DPP6: variants seen among roughly 807,000 people sequenced by gnomAD.
DPP6 encodes A-type potassium channel modulatory protein DPP6.
In DPP6, 69 loss-of-function variants were observed where a neutral mutation model predicts 122.6. The ratio of observed to expected loss-of-function variants is 0.56; its 90% CI spans 0.46 to 0.69. The LOEUF is 0.69. Ranked by LOEUF, DPP6 falls within the 30% of genes least tolerant of loss-of-function variation. DPP6 has a pLI of 0.00. For synonymous variants in DPP6, 418 were observed against 433.1 expected, an observed-to-expected ratio of 0.97 and a Z score of 0.43; for missense variants, 928 against 1,116.9, an observed-to-expected ratio of 0.83 and a Z score of 2.41.
chr7:154,199,353 G>A (rs1031528016), intron 1 of DPP6, among the ~76,000 whole-genome samples: 4 of 152,208 alleles, frequency 2.6e-5, no homozygotes, highest in Admixed American at 6.5e-5. Context: ...TGTTTCATCC[G>A]GGTTCTTTTC....
In DPP6 at chr7:154,060,317, C is replaced by A. The variant is rs1207696216; in HGVS notation, c.243+7254C>A. 4.4e-5 allele frequency among the ~76,000 whole-genome samples: 6 copies of A among 137,680 alleles called. 1 individual carries two copies. The highest frequency in any genetic ancestry group is 1.1e-4 in the African/African-American group (4 of 36,870). 90.3% of individuals were successfully genotyped at this position (137,680 alleles called of 152,430 possible). On this transcript the variant is annotated intron_variant, in intron 1 of 25. Transcript: ENST00000377770. ...CTCTTCCCCCCCTGGCTCTTAGGAC[C>A]CCCATCGCAGGAGGGGGAGGCACCC...
chr7:154,507,089 T>C (rs1346135279), intron 3 of DPP6, among the ~76,000 whole-genome samples: 1 of 152,172 alleles, frequency 6.6e-6, no homozygotes, highest in Non-Finnish European at 1.5e-5. Flanking sequence ...AGGCATTTTT[T>C]CTTTGATGGC....
the DPP6 span, among the ~76,000 whole-genome samples, chr7:153,831,578 T>C: frequency 6.6e-6 from 1 of 152,256 alleles, no homozygotes; most frequent in South Asian, 2.1e-4. Flanking sequence ...CCCTTTTATT[T>C]GGCAAGTAAA....
intron 1 of DPP6, among the ~76,000 whole-genome samples, chr7:154,009,465 A>C (rs931671407): frequency 6.8e-6 from 1 of 146,570 alleles, no homozygotes; most frequent in Non-Finnish European, 1.5e-5. Context: ...TCCAGACCCC[A>C]TGTGAGCCAT....
intron 1 of DPP6, among the ~76,000 whole-genome samples, chr7:154,211,212 A>C (rs1310132264): frequency 6.6e-6 from 1 of 152,154 alleles, no homozygotes; most frequent in Non-Finnish European, 1.5e-5. Context: ...ATTATTTAGA[A>C]TCCAGATGTG....
the DPP6 span, among the ~76,000 whole-genome samples, chr7:153,757,179 T>C: frequency 4.6e-5 from 7 of 152,226 alleles, no homozygotes; most frequent in Non-Finnish European, 8.8e-5. Context: ...TTTAGGGCTT[T>C]AGAAAGTTTG....
intron 12 of DPP6, among the ~76,000 whole-genome samples, chr7:154,800,845 A>G (rs932365326): frequency 6.6e-6 from 1 of 152,222 alleles, no homozygotes; most frequent in Admixed American, 6.5e-5. Context: ...ATTGTATTCA[A>G]TAAGAAGAAA....
Position 154,060,479 on chromosome 7 carries a change from C to CG in DPP6, c.243+7416_243+7417insG, listed in dbSNP as rs1174301353. 6.7e-4 allele frequency among the ~76,000 whole-genome samples: 94 copies of CG among 140,324 alleles called. 11 individuals are homozygous for CG. The highest frequency in any genetic ancestry group is 1.2e-3 in the Non-Finnish European group (78 of 64,504). The allele number at this position is 140,324 out of a possible 152,430, so 92.1% of individuals were successfully genotyped here. ...TCTTCCCCCTCTGGCTTAGGACCTCCATCGTTGATCCTAAGATCCTTAGGA... is the reference window on the plus strand; with the variant it reads ...TCTTCCCCCTCTGGCTTAGGACCTCCGATCGTTGATCCTAAGATCCTTAGGA... On this transcript the variant is annotated intron_variant, in intron 1 of 25. Transcript: ENST00000377770.
intron 1 of DPP6, among the ~76,000 whole-genome samples, chr7:153,980,147 G>T (rs1409107660): frequency 6.6e-6 from 1 of 152,152 alleles, no homozygotes; most frequent in African/African-American, 2.4e-5. Context: ...ACCTCTGGTA[G>T]AATTTGGCTG....
At chr7:154,404,242 C>G (rs760977849) in intron 1 of DPP6, among the ~76,000 whole-genome samples, 7 of 152,086 alleles carry the variant, frequency 4.6e-5, no homozygotes, top group Non-Finnish European at 8.8e-5. Flanking sequence ...AAGGAGAACA[C>G]TAAATCAAAG....
At chr7:154,370,264 T>C (rs1812541740) in intron 1 of DPP6, among the ~76,000 whole-genome samples, 1 of 152,038 alleles carries the variant, frequency 6.6e-6, no homozygotes, top group Admixed American at 6.6e-5. Context: ...ATTATAGGCA[T>C]GAGCCACCAC....
At chr7:153,799,432 T>G in the DPP6 span, among the ~76,000 whole-genome samples, 1 of 152,190 alleles carries the variant, frequency 6.6e-6, no homozygotes, top group Non-Finnish European at 1.5e-5. Context: ...GAGCATTTAT[T>G]GAGTGTTTGT....
chr7:154,620,334 G>A (rs561948183), intron 5 of DPP6, among the ~76,000 whole-genome samples: 2 of 152,326 alleles, frequency 1.3e-5, no homozygotes, highest in African/African-American at 2.4e-5. Flanking sequence ...CAGTTTCATC[G>A]TAATCATACG....
chr7:154,535,541 C>A lies in DPP6; in HGVS notation c.458-4991C>A, dbSNP rs140238152. 8.9e-3 allele frequency among the ~76,000 whole-genome samples: 1,348 copies of A among 151,886 alleles called. 20 individuals carry two copies. Among genetic ancestry groups the A allele is most frequent in the African/African-American group, 0.03 (1,261 of 41,444 alleles). ...TTCCTAATGCTATCCCTCCCCTAGTCCCCCATCCCCTGACAGGCCCCAGTG... is the reference window on the plus strand; with the variant it reads ...TTCCTAATGCTATCCCTCCCCTAGTACCCCATCCCCTGACAGGCCCCAGTG... On this transcript the variant is annotated intron_variant, in intron 3 of 25. Coordinates refer to ENST00000377770, the MANE Select transcript of DPP6 (RefSeq NM_130797.4).
At chr7:153,925,192 G>A (rs1012262802) in intron 1 of DPP6, among the ~76,000 whole-genome samples, 1 of 152,200 alleles carries the variant, frequency 6.6e-6, no homozygotes, top group Non-Finnish European at 1.5e-5. Flanking sequence ...CTGAGGTTCT[G>A]ATGAAGGGAG....
intron 16 of DPP6, among the ~76,000 whole-genome samples, chr7:154,809,674 A>G (rs1798922188): frequency 6.6e-6 from 1 of 152,204 alleles, no homozygotes; most frequent in South Asian, 2.1e-4. Context: ...GCTGTGTTTC[A>G]AGATGAAAGG....
rs200731906 is a variant in DPP6 at position 154,555,619 on chromosome 7, TAATAA to T, written c.553-11214_553-11210del. Among the ~76,000 whole-genome samples the T allele has an allele frequency of 3.2e-3, 493 of 151,762 alleles. 4 individuals are homozygous for T. Among genetic ancestry groups the T allele is most frequent in the African/African-American group, 0.011 (463 of 41,402 alleles). On this transcript the variant is annotated intron_variant, in intron 4 of 25. Transcript: ENST00000377770. ...TACCCTAAAACTTAAAGTATAATAA[TAATAA>T]AATAAAATTTAAAAAAATCCAAATG...
intron 8 of DPP6, among the ~76,000 whole-genome samples, chr7:154,752,535 A>G (rs1023664582): frequency 6.6e-6 from 1 of 152,202 alleles, no homozygotes. Context: ...GAAGAACGTA[A>G]GTGTACAGGA....
intron 1 of DPP6, among the ~76,000 whole-genome samples, chr7:154,410,548 G>T (rs970859545): frequency 6.6e-6 from 1 of 152,128 alleles, no homozygotes; most frequent in Non-Finnish European, 1.5e-5. Context: ...ATTATGATAT[G>T]CAATACTTTT....
Sources: allele counts gnomAD v4.1 joint callset (sites outside exome capture counted in the v4.1 genomes callset), GRCh38; gene constraint gnomAD v4.1.1; transcripts MANE v1.5; gene names NCBI Gene and HGNC (gene_info 2026-07-23, HGNC 2026-07-21).